B3GLCT: variants seen among roughly 807,000 people sequenced by gnomAD.
The protein encoded by B3GLCT is beta-1,3-glucosyltransferase.
In B3GLCT, 65 loss-of-function variants were observed where a neutral mutation model predicts 63.4. The observed-to-expected ratio is 1.03, with a 90% CI of 0.84 to 1.26. B3GLCT has a LOEUF of 1.26. B3GLCT is among the 50% of genes most tolerant of loss of function. The pLI is 0.00. For synonymous variants in B3GLCT, 233 were observed against 219.2 expected (o/e 1.06, Z -0.55); for missense variants, 577 against 604.8 (o/e 0.95, Z 0.48).
chr13:31,274,499 C>T lies in B3GLCT; in HGVS notation c.661-10C>T, dbSNP rs1345036130. The T allele has an allele frequency of 2.5e-6, 4 of 1,614,092 alleles. No homozygotes were observed. Among genetic ancestry groups the T allele is most frequent in the African/African-American group, 2.7e-5 (2 of 74,940 alleles). ...TCTTTCATCACTGCCTGTCTCCTGT[C>T]TCGTGGCAGATTGCCCTCTACATCT... is the stretch of plus-strand genomic sequence containing the variant. On this transcript the variant is annotated splice_polypyrimidine_tract_variant and intron_variant, in intron 8 of 14. Coordinates refer to ENST00000343307, the MANE Select transcript of B3GLCT (RefSeq NM_194318.4).
intron 10 of B3GLCT, chr13:31,283,197 A>C (rs1335435007): frequency 6.6e-6 from 1 of 152,204 alleles, no homozygotes; most frequent in African/African-American, 2.4e-5. Flanking sequence ...GGGACTGAGG[A>C]AAGTTCTTGA....
chr13:31,248,820 A>G (rs1251836136), intron 6 of B3GLCT, among the ~76,000 whole-genome samples: 2 of 152,200 alleles, frequency 1.3e-5, no homozygotes, highest in Non-Finnish European at 2.9e-5. Flanking sequence ...TGGTCAGTGA[A>G]TATTTGCGAA....
At chr13:31,269,376 A>C in intron 8 of B3GLCT, 99 bp downstream of exon 8, 1 of 779,116 alleles carries the variant, frequency 1.3e-6, no homozygotes, top group South Asian at 1.5e-5. Flanking sequence ...CATTTTCCCC[A>C]CCCACATCTA....
chr13:31,294,531 TG>T (rs1873836414), intron 12 of B3GLCT, among the ~76,000 whole-genome samples: 1 of 152,242 alleles, frequency 6.6e-6, no homozygotes, highest in Admixed American at 6.5e-5. Context: ...TCTCTAATCT[TG>T]TCTTCACACT....
intron 12 of B3GLCT, among the ~76,000 whole-genome samples, chr13:31,292,757 C>A (rs955522204): frequency 6.6e-6 from 1 of 151,242 alleles, no homozygotes; most frequent in Non-Finnish European, 1.5e-5. Context: ...TTTCAAAAAA[C>A]CAGCTCCTGG....
At chr13:31,248,077 T>A in intron 6 of B3GLCT, 111 bp downstream of exon 6, 1 of 673,876 alleles carries the variant, frequency 1.5e-6, no homozygotes, top group Admixed American at 2.6e-5. Flanking sequence ...AGTTTAAAAT[T>A]AAAAAGAATG....
In B3GLCT at chr13:31,199,999, G is replaced by GGGC. The variant is rs1419253088; in HGVS notation, c.-76_-74dup. On this transcript the variant is annotated 5_prime_UTR_variant, in exon 1 of 15. Coordinates refer to ENST00000343307, the MANE Select transcript of B3GLCT (RefSeq NM_194318.4). ...CAGAGAAGGGTCAGCCGCGGCGGCA[G>GGGC]GGCGGCGGCGGCAGCGGCGCAGCTC... is the stretch of plus-strand genomic sequence containing the variant. 1.7e-5 allele frequency: 14 copies of GGGC among 801,772 alleles called. No homozygotes were observed. The highest frequency in any genetic ancestry group is 5.5e-5 in the African/African-American group (3 of 54,444). 49.7% of individuals were successfully genotyped at this position (801,772 alleles called of 1,614,324 possible).
chr13:31,328,744 TGCTTA>T (rs1285593878), intron 14 of B3GLCT, among the ~76,000 whole-genome samples: 1 of 151,722 alleles, frequency 6.6e-6, no homozygotes, highest in Non-Finnish European at 1.5e-5. Context: ...CTGGATACTT[TGCTTA>T]GAGAAAACAA....
chr13:31,278,869 A>G (rs1872921935), intron 10 of B3GLCT, among the ~76,000 whole-genome samples: 1 of 152,124 alleles, frequency 6.6e-6, no homozygotes, highest in African/African-American at 2.4e-5. Context: ...TCGTGATATG[A>G]TAATTATTGT....
At chr13:31,286,156 G>A (rs1873320067) in intron 11 of B3GLCT, among the ~76,000 whole-genome samples, 1 of 152,094 alleles carries the variant, frequency 6.6e-6, no homozygotes. Flanking sequence ...TTTATCTATT[G>A]GTATCTGAAG....
chr13:31,258,449 G>C (rs551159261), intron 6 of B3GLCT, among the ~76,000 whole-genome samples: 3 of 152,032 alleles, frequency 2.0e-5, no homozygotes, highest in Non-Finnish European at 4.4e-5. Context: ...CTACTACGCT[G>C]TTTCAGGCTA....
At chr13:31,242,164 TTC>T (rs141271489) in intron 4 of B3GLCT, among the ~76,000 whole-genome samples, 6,463 of 152,252 alleles carry the variant, frequency 0.042, 153 homozygotes, top group Non-Finnish European at 0.051. Context: ...CCAAAGCCTA[TTC>T]TCTCTGCCTT....
At position 31,274,506 on chromosome 13, in the gene B3GLCT, C is replaced by A. The variant is rs1371055483; in HGVS notation, c.661-3C>A. On this transcript the variant is annotated splice_polypyrimidine_tract_variant and splice_region_variant and intron_variant, in intron 8 of 14. Transcript: ENST00000343307. ...TCACTGCCTGTCTCCTGTCTCGTGG[C>A]AGATTGCCCTCTACATCTGGGACAA... The A allele has an allele frequency of 3.3e-5, 53 of 1,614,196 alleles. No individual in the cohort carries two copies. Among genetic ancestry groups the A allele is most frequent in the Non-Finnish European group, 4.5e-5 (53 of 1,180,030 alleles).
intron 8 of B3GLCT, among the ~76,000 whole-genome samples, chr13:31,273,500 GTAATTTTA>G (rs1440951250): frequency 1.4e-5 from 2 of 144,010 alleles, no homozygotes; most frequent in African/African-American, 5.1e-5. Context: ...ATTAAGCATA[GTAATTTTA>G]TAATCTGTTT....
In B3GLCT at chr13:31,284,688, C is replaced by T. The variant is rs143454374; in HGVS notation, c.891C>T (p.Leu297=). ...VKQTWESQAS[L]IEYYSDYTEN... ...AGACTTGGGAGAGCCAGGCAAGTCT[C>T]ATTGAATACTATAGTGACTATACTG... Residue 297 remains leucine, a synonymous_variant, in exon 11 of 15, where the codon CTC becomes CTT. Coordinates refer to ENST00000343307, the MANE Select transcript of B3GLCT (RefSeq NM_194318.4). 9 of 1,611,740 alleles carry T rather than the reference C, an allele frequency of 5.6e-6. No individual in the cohort carries two copies. The African/African-American group carries it at 1.1e-4, about 19-fold the overall frequency.
At chr13:31,201,239 C>T (rs1272426239) in intron 1 of B3GLCT, among the ~76,000 whole-genome samples, 6 of 152,114 alleles carry the variant, frequency 3.9e-5, no homozygotes, top group Non-Finnish European at 8.8e-5. Flanking sequence ...GTTAGCCCAC[C>T]GGAACCTTGA....
chr13:31,315,612 AT>A (rs1289512188), intron 12 of B3GLCT, among the ~76,000 whole-genome samples: 1 of 152,218 alleles, frequency 6.6e-6, no homozygotes. Context: ...GGTTTGGAAA[AT>A]TTGCAGCCTG....
Position 31,247,035 on chromosome 13 carries a change from G to A in B3GLCT, c.283G>A (p.Val95Ile), listed in dbSNP as rs1566060729. ...ATTGTTTTCTCAGGAGCTCCCCAGT[G>A]TCCTCCTCCTTCATCAGCTGGCTAA... Reference protein sequence around the residue: ...AADLTQELPSVLLLHQLAKQE... With the variant: ...AADLTQELPSILLLHQLAKQE... Residue 95 changes from valine to isoleucine, a missense_variant, in exon 5 of 15, where the codon GTC becomes ATC. By Grantham distance (29) the Val-to-Ile change is conservative. Transcript: ENST00000343307. 6.2e-7 allele frequency: 1 copy of A among 1,606,452 alleles called. No homozygotes were observed. The highest frequency in any genetic ancestry group is 8.5e-7 in the Non-Finnish European group (1 of 1,178,484).
chr13:31,224,503 G>T (rs369048036), intron 3 of B3GLCT, among the ~76,000 whole-genome samples: 39 of 152,216 alleles, frequency 2.6e-4, no homozygotes, highest in African/African-American at 8.9e-4. Context: ...CACAATCTTT[G>T]TGTGAGCCTG....
Sources: gnomAD v4.1 joint callset for allele counts (sites outside exome capture counted in the v4.1 genomes callset) on GRCh38, gnomAD v4.1.1 for gene constraint, MANE v1.5 for transcripts, NCBI Gene and HGNC (gene_info 2026-07-23, HGNC 2026-07-21) for gene names.